Variants in PARL observed in about 807,000 individuals in gnomAD.
The protein encoded by PARL is presenilin-associated rhomboid-like protein, mitochondrial.
PARL carries 44 observed loss-of-function variants against 51.6 expected under a neutral mutation model. That is an observed-to-expected ratio of 0.85 (90% CI 0.67 to 1.10). The LOEUF (loss-of-function observed/expected upper bound fraction) is 1.10, where lower values mean the gene tolerates loss of function less well. Among genes scored for constraint, PARL ranks in the 50% least tolerant of loss-of-function variants. The pLI is 0.00. For synonymous variants in PARL, 172 were observed against 164.0 expected (o/e 1.05, Z -0.37); for missense variants, 441 against 469.5 (o/e 0.94, Z 0.56).
rs1320818555 is a variant in PARL, at chr3:183,829,491, T to G, written c.*107A>C. 1 of 1,610,944 alleles carries G rather than the reference T, an allele frequency of 6.2e-7. No homozygotes were observed. Among genetic ancestry groups the G allele is most frequent in the Non-Finnish European group, 8.5e-7 (1 of 1,178,900 alleles). ...CAGCTGAAAACAGTGGGAGGCCAGATGCTGGCATCTTCCAGACGGGAGCAT... is the reference window on the plus strand; with the variant it reads ...CAGCTGAAAACAGTGGGAGGCCAGAGGCTGGCATCTTCCAGACGGGAGCAT... On this transcript the variant is annotated 3_prime_UTR_variant, in exon 10 of 10. Transcript: ENST00000317096.
chr3:183,830,210 G>A (rs1009751481), intron 9 of PARL, among the ~76,000 whole-genome samples: 3 of 152,196 alleles, frequency 2.0e-5, no homozygotes, highest in South Asian at 2.1e-4. Flanking sequence ...ACTCTGCCCC[G>A]CTTTAAGATA....
At chr3:183,846,038 G>A (rs1485168150) in intron 4 of PARL, among the ~76,000 whole-genome samples, 1 of 151,976 alleles carries the variant, frequency 6.6e-6, no homozygotes, top group Non-Finnish European at 1.5e-5. Context: ...AAATGGCAAC[G>A]ACTACTCTGC....
At chr3:183,880,198 G>A (rs1734285719) in intron 1 of PARL, among the ~76,000 whole-genome samples, 2 of 152,152 alleles carry the variant, frequency 1.3e-5, no homozygotes, top group Non-Finnish European at 2.9e-5. Context: ...GGAAAACAAA[G>A]TGAAGCGCCG....
intron 6 of PARL, among the ~76,000 whole-genome samples, chr3:183,840,909 T>C (rs1281571794): frequency 6.6e-6 from 1 of 152,120 alleles, no homozygotes; most frequent in Non-Finnish European, 1.5e-5. Context: ...TCTACACAGA[T>C]AAACAGTGTC....
At chr3:183,879,837 C>T (rs1019787272) in intron 1 of PARL, 12 of 185,798 alleles carry the variant, frequency 6.5e-5, no homozygotes, top group Non-Finnish European at 1.1e-4. Context: ...CTGCCTCAGC[C>T]TCCCAAGTAG....
In PARL at chr3:183,866,626, T is replaced by C; in HGVS notation, c.461A>G (p.Glu154Gly). ...RPQKEGDFRK[E>G]INKWWNNLSD... ...AAAGAAAGCAGTGTTTATCTTTACC[T>C]CCTTTCTGAAGTCTCCTTCTTTTTG... The change falls in exon 3 of 10, where the codon GAG becomes GGG. Residue 154 changes from glutamate (E) to glycine (G), a missense_variant and splice_region_variant. Physicochemically the swap from Glu to Gly is moderately conservative, Grantham distance 98 (BLOSUM62 -2). Coordinates refer to ENST00000317096, the MANE Select transcript of PARL (RefSeq NM_018622.7). 1 of 1,611,066 alleles carries C rather than the reference T, an allele frequency of 6.2e-7. No individual in the cohort carries two copies.
intron 7 of PARL, among the ~76,000 whole-genome samples, chr3:183,837,895 T>C (rs1728821529): frequency 6.6e-6 from 1 of 152,154 alleles, no homozygotes; most frequent in African/African-American, 2.4e-5. Context: ...GAGGATCACT[T>C]GAGCCCAGGA....
At chr3:183,871,627 A>G (rs1330096795) in intron 1 of PARL, among the ~76,000 whole-genome samples, 3 of 152,152 alleles carry the variant, frequency 2.0e-5, no homozygotes. Flanking sequence ...AAAAGAGTAC[A>G]TGATATGTGA....
At chr3:183,863,237 T>C (rs1234859651) in intron 3 of PARL, among the ~76,000 whole-genome samples, 1 of 152,174 alleles carries the variant, frequency 6.6e-6, no homozygotes, top group African/African-American at 2.4e-5. Context: ...TTTTTAAAGA[T>C]ATAGTAATGG....
intron 1 of PARL, among the ~76,000 whole-genome samples, chr3:183,881,781 G>A (rs1297178935): frequency 2.0e-5 from 3 of 152,240 alleles, no homozygotes; most frequent in African/African-American, 7.2e-5. Context: ...TACTGGGCGG[G>A]AGGATGGATT....
chr3:183,837,436 A>G (rs1038065236), intron 7 of PARL, among the ~76,000 whole-genome samples: 10 of 152,322 alleles, frequency 6.6e-5, no homozygotes, highest in African/African-American at 2.4e-4. Context: ...CACCCTTGCC[A>G]CACTGTAATG....
Position 183,833,482 on chromosome 3 carries a change from TC to T in PARL, c.1028+9del. On this transcript the variant is annotated intron_variant, in intron 9 of 9. Transcript: ENST00000317096. Reference sequence around the variant, plus strand: ...GAAGCAGTTTAGCAATCAATTACACTCAAACTTACATTCCAAAAAGAGCTCC... The same window carrying T: ...GAAGCAGTTTAGCAATCAATTACACTAAACTTACATTCCAAAAAGAGCTCC... 6.4e-7 allele frequency: 1 copy of T among 1,569,910 alleles called. No homozygotes were observed. The highest frequency in any genetic ancestry group is 1.1e-5 in the South Asian group (1 of 90,202).
intron 4 of PARL, among the ~76,000 whole-genome samples, chr3:183,850,481 G>T (rs1221819491): frequency 1.3e-5 from 2 of 152,150 alleles, no homozygotes. Context: ...AATCTGCAAA[G>T]ACCCTATTTC....
rs752041334 is a variant in PARL, at chr3:183,833,543, C to T, written c.977G>A (p.Gly326Glu). 1 of 1,613,968 alleles carries T rather than the reference C, an allele frequency of 6.2e-7. No homozygotes were observed. Among genetic ancestry groups the T allele is most frequent in the Admixed American group, 1.7e-5 (1 of 60,026 alleles). Residue 326 changes from glycine to glutamate, a missense_variant, in exon 9 of 10, where the codon GGA (glycine) becomes GAA (glutamate). Physicochemically the swap from Gly to Glu is moderately conservative, Grantham distance 98. Coordinates refer to ENST00000317096, the MANE Select transcript of PARL (RefSeq NM_018622.7). ...TGCCGCATGATCAAAAAATTTCCATCCCAGGATCATTCCTGCTGTATCCAT... is the reference window on the plus strand; with the variant it reads ...TGCCGCATGATCAAAAAATTTCCATTCCAGGATCATTCCTGCTGTATCCAT... ...IAMDTAGMIL[G>E]WKFFDHAAHL...
At chr3:183,833,127 G>A (rs1728144352) in intron 9 of PARL, among the ~76,000 whole-genome samples, 1 of 152,178 alleles carries the variant, frequency 6.6e-6, no homozygotes, top group African/African-American at 2.4e-5. Context: ...GTAGCAGGGT[G>A]GGACGCCAGG....
At chr3:183,866,587 T>C (rs760980614) in intron 3 of PARL, 38 bp downstream of exon 3, 1 of 1,581,838 alleles carries the variant, frequency 6.3e-7, no homozygotes, top group South Asian at 1.1e-5. Context: ...TTTAAAACCG[T>C]GATTAACTAG....
intron 4 of PARL, chr3:183,846,682 G>A (rs1033190531): frequency 1.0e-6 from 1 of 959,698 alleles, no homozygotes; most frequent in African/African-American, 1.8e-5. Flanking sequence ...TGCTTTCATG[G>A]GGCACCCCAT....
At chr3:183,834,886 C>CAAAAAAAAAAAA (rs60078452) in intron 7 of PARL, among the ~76,000 whole-genome samples, 137 of 108,384 alleles carry the variant, frequency 1.3e-3, no homozygotes, top group East Asian at 4.0e-3. Flanking sequence ...ACTAAAAATA[C>CAAAAAAAAAAAA]AAAAAAAAAA....
chr3:183,828,056 C>G (rs575917164), downstream of PARL, among the ~76,000 whole-genome samples: 81 of 152,330 alleles, frequency 5.3e-4, no homozygotes, highest in African/African-American at 1.9e-3. Flanking sequence ...AGTGAAGCAC[C>G]CTCGTGGGCA....
Sources: gnomAD v4.1 joint callset for allele counts (sites outside exome capture counted in the v4.1 genomes callset) on GRCh38, gnomAD v4.1.1 for gene constraint, MANE v1.5 for transcripts, NCBI Gene and HGNC (gene_info 2026-07-23, HGNC 2026-07-21) for gene names.